HERC2: variants seen among roughly 807,000 people sequenced by gnomAD.
The protein encoded by HERC2 is HECT and RLD domain containing E3 ubiquitin protein ligase 2.
In HERC2, 102 loss-of-function variants were observed where a neutral mutation model predicts 537.7. The ratio of observed to expected loss-of-function variants is 0.19; its 90% CI spans 0.16 to 0.22. The LOEUF (loss-of-function observed/expected upper bound fraction) is 0.22. Among genes scored for constraint, HERC2 ranks in the 10% least tolerant of loss-of-function variants. The pLI, the probability that HERC2 is intolerant of heterozygous loss-of-function variation, is 1.00. For synonymous variants in HERC2, 2,224 were observed against 2,466.2 expected, an observed-to-expected ratio of 0.90 and a Z score of 2.91; for missense variants, 4,236 against 6,198.2, an observed-to-expected ratio of 0.68 and a Z score of 10.63.
In HERC2 at chr15:28,268,602, G is replaced by A; in HGVS notation, c.1461C>T (p.Val487=). ...YNSDTLAPQL[V]QGLASRNIVK... is the part of the protein sequence containing the mutation. The stretch of plus-strand genomic sequence containing the variant: ...CAATGTTTCTGGAGGCAAGGCCTTG[G>A]ACCAGCTGTGGGGCCTAAAGAAGGA... The change falls in exon 12 of 93, where the codon GTC becomes GTT. Residue 487 remains valine, a synonymous_variant. Coordinates refer to ENST00000261609, the MANE Select transcript of HERC2 (RefSeq NM_004667.6). This position sits in a 1 kb window ranked among gnomAD's most constrained non-coding sequence, Gnocchi z 4.7. 5 of 1,614,050 alleles carry A rather than the reference G, an allele frequency of 3.1e-6. No individual in the cohort carries two copies. The highest frequency in any genetic ancestry group is 4.2e-6 in the Non-Finnish European group (5 of 1,179,968).
In HERC2 at chr15:28,213,867, C is replaced by T. The variant is rs781114289; in HGVS notation, c.6661G>A (p.Gly2221Ser). ...CCAAACTCATCGTGCATAACTTGAC[C>T]GCCCAGGCGCAGGCGACCATCGATG... ...GGIDGRLRLG[G>S]QVMHDEFGEG... Residue 2221 changes from glycine to serine, a missense_variant, in exon 42 of 93, where the codon GGT becomes AGT. Around this residue, in one of 27 missense-constraint regions of HERC2, gnomAD observed 365 missense variants for 468.8 expected, o/e 0.78. Transcript: ENST00000261609. The T allele has an allele frequency of 3.7e-6, 6 of 1,613,928 alleles. No homozygotes were observed. The highest frequency in any genetic ancestry group is 2.2e-5 in the South Asian group (2 of 91,048).
At position 28,229,727 on chromosome 15, in the gene HERC2, G is replaced by A; in HGVS notation, c.4930C>T (p.Leu1644Phe). Residue 1644 changes from leucine (L) to phenylalanine (F), a missense_variant, in exon 32 of 93, where the codon CTT becomes TTT. Around this residue, in one of 27 missense-constraint regions of HERC2, gnomAD observed 343 missense variants for 417.2 expected, o/e 0.82. Coordinates refer to ENST00000261609, the MANE Select transcript of HERC2 (RefSeq NM_004667.6). ...TCCACATCCACTGGCTCTTCTTTAAGGGCAAATTCAGCAATTGTACTGAGG... is the reference window on the plus strand; with the variant it reads ...TCCACATCCACTGGCTCTTCTTTAAAGGCAAATTCAGCAATTGTACTGAGG... ...PLLSTIAEFA[L>F]KEEPVDVEKM... is the part of the protein sequence containing the mutation. 6.2e-7 allele frequency: 1 copy of A among 1,611,272 alleles called. No homozygotes were observed. Among genetic ancestry groups the A allele is most frequent in the Non-Finnish European group, 8.5e-7 (1 of 1,179,248 alleles).
At chr15:28,207,270 G>A (rs1898578291) in intron 44 of HERC2, among the ~76,000 whole-genome samples, 1 of 151,910 alleles carries the variant, frequency 6.6e-6, no homozygotes, top group Non-Finnish European at 1.5e-5. Flanking sequence ...CTGTAGCTGG[G>A]ACTACAGGCA....
intron 55 of HERC2, among the ~76,000 whole-genome samples, chr15:28,189,259 T>C (rs576998833): frequency 6.6e-6 from 1 of 152,330 alleles, no homozygotes; most frequent in Non-Finnish European, 1.5e-5. Flanking sequence ...CTCATGTACA[T>C]GACATACACT....
chr15:28,292,382 A>G (rs1481824504), intron 4 of HERC2, among the ~76,000 whole-genome samples: 1 of 152,200 alleles, frequency 6.6e-6, no homozygotes, highest in Non-Finnish European at 1.5e-5. Flanking sequence ...TGCTGTACCT[A>G]CTCACACAAA....
At chr15:28,288,921 C>CA (rs2076236130) in intron 4 of HERC2, among the ~76,000 whole-genome samples, 1 of 150,520 alleles carries the variant, frequency 6.6e-6, no homozygotes, top group South Asian at 2.1e-4. Context: ...CTATTTAAAG[C>CA]AAAAACAAAA....
intron 2 of HERC2, among the ~76,000 whole-genome samples, chr15:28,310,719 G>A (rs1464470295): frequency 6.6e-6 from 1 of 152,056 alleles, no homozygotes; most frequent in African/African-American, 2.4e-5. Flanking sequence ...GGCACTCAAG[G>A]GAATACGACA....
chr15:28,298,942 G>A (rs1635165), intron 3 of HERC2, among the ~76,000 whole-genome samples: 147,884 of 152,084 alleles, frequency 0.97, 71,980 homozygotes, highest in Non-Finnish European at 0.99. Context: ...AACTTCAACA[G>A]TGGTTCTCAA....
At chr15:28,214,027 C>G in intron 41 of HERC2, 49 bp downstream of exon 41, 1 of 1,610,440 alleles carries the variant, frequency 6.2e-7, no homozygotes, top group Non-Finnish European at 8.5e-7. Flanking sequence ...CTGCCCAATC[C>G]CTACAGGTTC....
intron 16 of HERC2, 93 bp downstream of exon 16, chr15:28,260,684 A>G: frequency 1.9e-6 from 2 of 1,047,398 alleles, no homozygotes; most frequent in South Asian, 1.5e-5. Flanking sequence ...CAAGAACAAC[A>G]AACAAAACTC....
In HERC2 at chr15:28,182,386, G is replaced by A; in HGVS notation, c.8937+15C>T. Reference sequence around the variant, plus strand: ...GAGTGCCCCACCCTGCTGGGTCCCAGGGAGCAGGCCGTACCTTGGAGCCTT... The same window carrying A: ...GAGTGCCCCACCCTGCTGGGTCCCAAGGAGCAGGCCGTACCTTGGAGCCTT... On this transcript the variant is annotated intron_variant, in intron 57 of 92. Coordinates refer to ENST00000261609, the MANE Select transcript of HERC2 (RefSeq NM_004667.6). 1.3e-6 allele frequency: 2 copies of A among 1,591,070 alleles called. No homozygotes were observed. The highest frequency in any genetic ancestry group is 1.7e-6 in the Non-Finnish European group (2 of 1,159,876).
At chr15:28,124,340 G>T in intron 84 of HERC2, 106 bp from the exon 85 acceptor site, 1 of 676,190 alleles carries the variant, frequency 1.5e-6, no homozygotes, top group Non-Finnish European at 2.2e-6. Context: ...ATACAGAGAA[G>T]CACTATGGTG....
At chr15:28,306,659 T>C (rs892023713) in intron 2 of HERC2, among the ~76,000 whole-genome samples, 1 of 152,256 alleles carries the variant, frequency 6.6e-6, no homozygotes, top group African/African-American at 2.4e-5. Context: ...AGTTCTTCTT[T>C]AAATGTTTGG....
At chr15:28,229,636 T>C (rs1410360010) in intron 32 of HERC2, 38 bp downstream of exon 32, 1 of 1,603,548 alleles carries the variant, frequency 6.2e-7, no homozygotes, top group African/African-American at 1.3e-5. Flanking sequence ...GTTATGTATA[T>C]TACCCAATGC....
chr15:28,182,089 G>C (rs1001144639), intron 57 of HERC2, among the ~76,000 whole-genome samples: 2 of 152,108 alleles, frequency 1.3e-5, no homozygotes, highest in Non-Finnish European at 2.9e-5. Context: ...ACATTATTTT[G>C]TTCATGATAG....
chr15:28,195,763 T>C (rs369008500), intron 52 of HERC2, among the ~76,000 whole-genome samples: 4 of 152,294 alleles, frequency 2.6e-5, no homozygotes, highest in African/African-American at 7.2e-5. Flanking sequence ...GTTGTGATGG[T>C]TGTGCAACAC....
chr15:28,265,844 G>A lies in HERC2; in HGVS notation c.1729C>T (p.Arg577Cys), dbSNP rs201542966. The A allele has an allele frequency of 1.9e-6, 3 of 1,614,106 alleles. No individual in the cohort carries two copies. The highest frequency in any genetic ancestry group is 1.3e-5 in the African/African-American group (1 of 75,006). The change falls in exon 13 of 93, where the codon CGC becomes TGC. Residue 577 changes from arginine (R) to cysteine (C), a missense_variant. This residue lies in a region of HERC2 where 754 missense variants were observed against 1,085.0 expected (regional missense o/e 0.69). Coordinates refer to ENST00000261609, the MANE Select transcript of HERC2 (RefSeq NM_004667.6). This position sits in a 1 kb window ranked among gnomAD's most constrained non-coding sequence, Gnocchi z 4.0. ...TAEGELYTWG[R>C]GNYGRLGHGS... ...TGGCCCAGCCGGCCGTAGTTCCCGC[G>A]GCCCCAGGTGTACAGCTCCCCCTCG...
chr15:28,216,015 T>G (rs8030794), intron 38 of HERC2, among the ~76,000 whole-genome samples: 12,201 of 152,090 alleles, frequency 0.08, 1,673 homozygotes, highest in African/African-American at 0.28. Flanking sequence ...AATTTTTCTT[T>G]TTTTTTTTAG....
chr15:28,168,040 T>C (rs915485858), intron 67 of HERC2, among the ~76,000 whole-genome samples: 1 of 152,192 alleles, frequency 6.6e-6, no homozygotes, highest in Admixed American at 6.5e-5. Flanking sequence ...CACATTCATA[T>C]TTTCAAGAAT....
Sources: gnomAD v4.1 joint callset for allele counts (sites outside exome capture counted in the v4.1 genomes callset) on GRCh38, gnomAD v4.1.1 for gene constraint, gnomAD v4.1.1 regional missense constraint, Gnocchi (gnomAD v3.1) non-coding constraint, MANE v1.5 for transcripts, NCBI Gene and HGNC (gene_info 2026-07-23, HGNC 2026-07-21) for gene names.